Variants in CMYA5 observed in about 807,000 individuals in gnomAD.
The protein encoded by CMYA5 is cardiomyopathy associated 5, also known as cardiomyopathy-associated protein 5.
CMYA5 carries 246 observed loss-of-function variants against 318.9 expected under a neutral mutation model. The ratio of observed to expected loss-of-function variants is 0.77; its 90% confidence interval spans 0.70 to 0.86. The LOEUF is 0.86. CMYA5 is among the 40% of genes least tolerant of loss of function. The probability of loss-of-function intolerance (pLI) is 0.00; values close to 1 mark genes in which losing one functional copy is unlikely to be tolerated. For missense variants in CMYA5, 4,589 were observed against 4,678.2 expected, an observed-to-expected ratio of 0.98 and a Z score of 0.56; for synonymous variants, 1,641 against 1,729.5, an observed-to-expected ratio of 0.95 and a Z score of 1.27.
intron 1 of CMYA5, among the ~76,000 whole-genome samples, chr5:79,705,237 A>T (rs980142682): frequency 2.2e-4 from 33 of 152,164 alleles, no homozygotes; most frequent in African/African-American, 7.5e-4. Context: ...GTGCCACTGC[A>T]CTCCAGCCTG....
At chr5:79,693,195 T>C (rs1332184495) in intron 1 of CMYA5, among the ~76,000 whole-genome samples, 2 of 152,212 alleles carry the variant, frequency 1.3e-5, no homozygotes, top group Non-Finnish European at 2.9e-5. Context: ...TTTCTAAAAC[T>C]TCATGGGAGA....
chr5:79,775,325 C>T (rs751368958), intron 9 of CMYA5, among the ~76,000 whole-genome samples: 14 of 152,202 alleles, frequency 9.2e-5, no homozygotes, highest in Non-Finnish European at 1.8e-4. Context: ...CCAATCAGTT[C>T]CTTCACTTCT....
chr5:79,752,416 T>G (rs941936821), intron 5 of CMYA5, among the ~76,000 whole-genome samples: 3 of 152,236 alleles, frequency 2.0e-5, no homozygotes, highest in African/African-American at 7.2e-5. Context: ...GTAAAACACT[T>G]AAGACTGTAT....
chr5:79,738,118 C>A lies in CMYA5; in HGVS notation c.9353C>A (p.Pro3118Gln). 6.2e-7 allele frequency: 1 copy of A among 1,613,540 alleles called. No homozygotes were observed. The highest frequency in any genetic ancestry group is 8.5e-7 in the Non-Finnish European group (1 of 1,179,772). Residue 3118 changes from proline (P) to glutamine (Q), a missense_variant, in exon 2 of 13, where the codon CCA becomes CAA. Pro to Gln is a moderately conservative substitution (Grantham distance 76, BLOSUM62 -1). Transcript: ENST00000446378. ...LVKLDESFYG[P>Q]EKGHNILSHP... ...AAATTAGATGAAAGTTTTTATGGAC[C>A]AGAAAAGGGCCACAACATATTATCT...
intron 6 of CMYA5, among the ~76,000 whole-genome samples, chr5:79,758,254 C>T (rs368571718): frequency 1.2e-4 from 18 of 148,534 alleles, no homozygotes; most frequent in African/African-American, 3.7e-4. Flanking sequence ...AAAAATTGGC[C>T]GGTGTGGTGG....
At chr5:79,712,443 C>T (rs1321788403) in intron 1 of CMYA5, among the ~76,000 whole-genome samples, 6 of 151,934 alleles carry the variant, frequency 3.9e-5, no homozygotes, top group African/African-American at 1.2e-4. Flanking sequence ...GAACTCCTGC[C>T]CTCAAATGAT....
chr5:79,727,727 G>A lies in CMYA5; in HGVS notation c.150-1188G>A, dbSNP rs138448509. On this transcript the variant is annotated intron_variant, in intron 1 of 12. Transcript: ENST00000446378. ...AGAAGTGGAGTATTGTCGGGGCTCT[G>A]CATTCTAAATGGAGGAACAGCGTAA... 4.1e-3 allele frequency among the ~76,000 whole-genome samples: 618 copies of A among 152,316 alleles called. 6 individuals are homozygous for A. Among genetic ancestry groups the A allele is most frequent in the African/African-American group, 0.013 (525 of 41,568 alleles).
intron 11 of CMYA5, 51 bp from the exon 12 acceptor site, chr5:79,793,386 A>G (rs369352646): frequency 6.5e-7 from 1 of 1,541,134 alleles, no homozygotes; most frequent in Non-Finnish European, 8.9e-7. Flanking sequence ...CTTATGAGAT[A>G]CAGGCCGGCG....
In CMYA5 at chr5:79,731,465, T is replaced by C. The variant is rs1561207146; in HGVS notation, c.2700T>C (p.Ala900=). 1 of 1,608,946 alleles carries C rather than the reference T, an allele frequency of 6.2e-7. No homozygotes were observed. ...GATACACACCCTCTTCTACATCTGCTTCTGAATTTTCAGTACCACCATATG... is the reference window on the plus strand; with the variant it reads ...GATACACACCCTCTTCTACATCTGCCTCTGAATTTTCAGTACCACCATATG... The part of the protein sequence containing the change: ...LERYTPSSTS[A]SEFSVPPYAT... Residue 900 remains alanine, a synonymous_variant, in exon 2 of 13, where the codon GCT becomes GCC. Transcript: ENST00000446378.
Position 79,737,401 on chromosome 5 carries a change from C to G in CMYA5, c.8636C>G (p.Thr2879Ser), listed in dbSNP as rs1828100348. The G allele has an allele frequency of 1.2e-6, 2 of 1,613,750 alleles. No homozygotes were observed. The highest frequency in any genetic ancestry group is 1.3e-5 in the African/African-American group (1 of 74,928). Residue 2879 changes from threonine to serine, a missense_variant, in exon 2 of 13, where the codon ACC becomes AGC. Around this residue, in one of 3 missense-constraint regions of CMYA5, gnomAD observed 2,431 missense variants for 2,495.1 expected, o/e 0.97. Transcript: ENST00000446378. Reference protein sequence around the residue: ...SKHHLEAAEDTRVKEPLSSAK... With the variant: ...SKHHLEAAEDSRVKEPLSSAK... ...CACCACTTGGAGGCTGCGGAAGATA[C>G]CCGTGTAAAGGAACCACTGTCTTCA... is the stretch of plus-strand genomic sequence containing the variant.
chr5:79,720,428 A>ATTTTTTTTTTTTTT (rs1159659122), intron 1 of CMYA5, among the ~76,000 whole-genome samples: 1 of 44,812 alleles, frequency 2.2e-5, no homozygotes, highest in Non-Finnish European at 4.3e-5. Context: ...TGCCAATCTA[A>ATTTTTTTTTTTTTT]TTTTTTTTTT....
chr5:79,720,291 T>TG (rs1204277256), intron 1 of CMYA5, among the ~76,000 whole-genome samples: 1 of 152,028 alleles, frequency 6.6e-6, no homozygotes, highest in Non-Finnish European at 1.5e-5. Context: ...AGGGAGGTAG[T>TG]GGGGGAAAAA....
chr5:79,788,932 G>A (rs368800510), intron 9 of CMYA5, 39 bp from the exon 10 acceptor site: 41 of 1,584,070 alleles, frequency 2.6e-5, no homozygotes, highest in Non-Finnish European at 1.7e-5. Context: ...TTAGCATGTG[G>A]CATTATGTTT....
intron 9 of CMYA5, among the ~76,000 whole-genome samples, chr5:79,769,683 A>C (rs1424093339): frequency 6.6e-6 from 1 of 152,094 alleles, no homozygotes; most frequent in Non-Finnish European, 1.5e-5. Context: ...GCTTCATCCC[A>C]TAGAGGCACC....
chr5:79,724,109 G>A (rs1827700246), intron 1 of CMYA5, among the ~76,000 whole-genome samples: 1 of 151,992 alleles, frequency 6.6e-6, no homozygotes, highest in Admixed American at 6.6e-5. Flanking sequence ...CCTGAGGTCA[G>A]GAGTTTGGGA....
chr5:79,692,811 G>A (rs769728793), intron 1 of CMYA5, among the ~76,000 whole-genome samples: 3 of 152,182 alleles, frequency 2.0e-5, no homozygotes, highest in Non-Finnish European at 4.4e-5. Flanking sequence ...ATCCATGAAG[G>A]GAGAGATGGT....
chr5:79,749,548 T>C (rs931089781), intron 5 of CMYA5, among the ~76,000 whole-genome samples: 1 of 152,160 alleles, frequency 6.6e-6, no homozygotes, highest in African/African-American at 2.4e-5. Context: ...AAAGATGAAC[T>C]GCATAGCCCA....
Position 79,793,632 on chromosome 5 carries a change from C to A in CMYA5, c.11963+22C>A, listed in dbSNP as rs1308532300. 2.5e-6 allele frequency: 4 copies of A among 1,577,232 alleles called. No individual in the cohort carries two copies. In the South Asian group the frequency reaches 3.4e-5, roughly 13 times the overall value. On this transcript the variant is annotated intron_variant, in intron 12 of 12. Transcript: ENST00000446378. The stretch of plus-strand genomic sequence containing the variant: ...AGAGGTAAGCGAGCCCTTCCCCTCC[C>A]CTCTTCATCAAAATATTATGCTTGG...
intron 9 of CMYA5, among the ~76,000 whole-genome samples, chr5:79,786,519 G>A (rs1252838368): frequency 6.6e-6 from 1 of 152,188 alleles, no homozygotes; most frequent in Non-Finnish European, 1.5e-5. Flanking sequence ...ACTCACCTTA[G>A]TTTGGGTATT....
Sources: allele counts gnomAD v4.1 joint callset (sites outside exome capture counted in the v4.1 genomes callset), GRCh38; gene constraint gnomAD v4.1.1; regional missense constraint gnomAD v4.1.1; transcripts MANE v1.5; gene names NCBI Gene and HGNC (gene_info 2026-07-23, HGNC 2026-07-21).